The following YPEL2 variants were observed in gnomAD, a reference collection of about 807,000 sequenced individuals.
YPEL2 encodes the protein yippee like 2.
A neutral mutation model predicts 19.1 loss-of-function variants in YPEL2; 2 were observed. The ratio of observed to expected loss-of-function variants is 0.10; its 90% CI spans 0.04 to 0.33. The LOEUF (loss-of-function observed/expected upper bound fraction) is 0.33, where lower values mean the gene tolerates loss of function less well. Among genes scored for constraint, YPEL2 ranks in the 10% least tolerant of loss-of-function variants. YPEL2 has a pLI of 1.00. For synonymous variants in YPEL2, 52 were observed against 50.0 expected, an observed-to-expected ratio of 1.04 and a Z score of -0.17; for missense variants, 66 against 140.7, an observed-to-expected ratio of 0.47 and a Z score of 2.68.
intron 2 of YPEL2, among the ~76,000 whole-genome samples, chr17:59,365,262 A>G (rs761577500): frequency 2.6e-5 from 4 of 152,140 alleles, no homozygotes; most frequent in Non-Finnish European, 5.9e-5. Flanking sequence ...TCCTCATGGA[A>G]TCGCTTGTTC....
chr17:59,339,016 C>T (rs909464506), intron 1 of YPEL2, among the ~76,000 whole-genome samples: 10 of 152,212 alleles, frequency 6.6e-5, no homozygotes, highest in African/African-American at 2.2e-4. Flanking sequence ...TACCAAGCAG[C>T]CTTGGCTTTT....
chr17:59,345,679 C>T (rs946860964), intron 1 of YPEL2, among the ~76,000 whole-genome samples: 1 of 152,146 alleles, frequency 6.6e-6, no homozygotes, highest in Admixed American at 6.5e-5. Context: ...TCCTAACCAC[C>T]GTGAGTCAAC....
At chr17:59,376,611 C>T (rs1217475768) in intron 2 of YPEL2, among the ~76,000 whole-genome samples, 6 of 152,120 alleles carry the variant, frequency 3.9e-5, no homozygotes, top group African/African-American at 7.2e-5. Context: ...ACCTGGTTTT[C>T]GTTGTTTTTT....
At chr17:59,380,346 G>A (rs1180272752) in intron 2 of YPEL2, among the ~76,000 whole-genome samples, 3 of 131,496 alleles carry the variant, frequency 2.3e-5, no homozygotes, top group South Asian at 4.7e-4. Flanking sequence ...GTGCTGTCTC[G>A]ACAACCTGTG....
chr17:59,382,257 C>T (rs1237470857), intron 2 of YPEL2, among the ~76,000 whole-genome samples: 2 of 152,228 alleles, frequency 1.3e-5, no homozygotes, highest in African/African-American at 4.8e-5. Context: ...GGTTCAGTAC[C>T]CTTTGTACAT....
intron 2 of YPEL2, among the ~76,000 whole-genome samples, chr17:59,380,915 C>CGT (rs1320584971): frequency 6.6e-6 from 1 of 152,100 alleles, no homozygotes; most frequent in Non-Finnish European, 1.5e-5. Flanking sequence ...TGCCTTTTGG[C>CGT]GTAATAGAGA....
intron 2 of YPEL2, among the ~76,000 whole-genome samples, chr17:59,375,860 C>T (rs1465265326): frequency 6.6e-6 from 1 of 152,144 alleles, no homozygotes; most frequent in African/African-American, 2.4e-5. Flanking sequence ...AGCCATCCTC[C>T]TTCATCAGAG....
intron 4 of YPEL2, among the ~76,000 whole-genome samples, chr17:59,391,815 G>A (rs556896053): frequency 5.9e-5 from 9 of 151,994 alleles, no homozygotes; most frequent in Non-Finnish European, 1.2e-4. Flanking sequence ...CAGGAGAATC[G>A]CTTGAACCCA....
In YPEL2 at chr17:59,398,875, T is replaced by G. The variant is rs750795867; in HGVS notation, c.*1685T>G. ...AAGCAGCCAACAGCCCAGGAGCTTT[T>G]CAGAATAGCGTCTGCAGCAGAACCA... On this transcript the variant is annotated 3_prime_UTR_variant, in exon 5 of 5. Transcript: ENST00000312655. 5 of 152,186 alleles carry G rather than the reference T, an allele frequency of 3.3e-5. No individual in the cohort carries two copies. Among genetic ancestry groups the G allele is most frequent in the Non-Finnish European group, 7.3e-5 (5 of 68,038 alleles). 9.4% of individuals were successfully genotyped at this position (152,186 alleles called of 1,614,324 possible). A position where few individuals can be genotyped will look rare whatever the true frequency, so the allele number is the denominator to read the frequency against.
intron 2 of YPEL2, chr17:59,363,048 A>C (rs2047849295): frequency 6.6e-6 from 1 of 152,244 alleles, no homozygotes; most frequent in Admixed American, 6.5e-5. Flanking sequence ...AATGTTACAG[A>C]TAAGGTTGTT....
chr17:59,396,608 G>A (rs966793991), intron 4 of YPEL2, among the ~76,000 whole-genome samples: 1 of 152,220 alleles, frequency 6.6e-6, no homozygotes, highest in Non-Finnish European at 1.5e-5. Flanking sequence ...CCTCAGTTCT[G>A]CAGCTAAGCG....
Position 59,353,561 on chromosome 17 carries a change from C to A in YPEL2, c.117+35C>A. Reference sequence around the variant, plus strand: ...TCCAGCAGGCCTTCCTTGCCTACCCCGGGGAGGGCGCTTAGTGCTCCTGAA... The same window carrying A: ...TCCAGCAGGCCTTCCTTGCCTACCCAGGGGAGGGCGCTTAGTGCTCCTGAA... On this transcript the variant is annotated intron_variant, in intron 2 of 4. Coordinates refer to ENST00000312655, the MANE Select transcript of YPEL2 (RefSeq NM_001005404.4). This position sits in a 1 kb window ranked among gnomAD's most constrained non-coding sequence, Gnocchi z 4.8. 6.6e-7 allele frequency: 1 copy of A among 1,513,600 alleles called. No homozygotes were observed. Among genetic ancestry groups the A allele is most frequent in the Non-Finnish European group, 9.2e-7 (1 of 1,088,918 alleles). The allele number at this position is 1,513,600 out of a possible 1,614,324, so 93.8% of individuals were successfully genotyped here.
chr17:59,397,408 TTC>T lies in YPEL2; in HGVS notation c.*226_*227del. On this transcript the variant is annotated 3_prime_UTR_variant, in exon 5 of 5. Coordinates refer to ENST00000312655, the MANE Select transcript of YPEL2 (RefSeq NM_001005404.4). ...TATCTGTTTGTGAGTTGATCCTGGC[TTC>T]TCTCTCTGTTCTAGTTTTGGCTGAA... 1 of 386,686 alleles carries T rather than the reference TTC, an allele frequency of 2.6e-6. No individual in the cohort carries two copies. The highest frequency in any genetic ancestry group is 4.6e-6 in the Non-Finnish European group (1 of 215,588). The allele number at this position is 386,686 out of a possible 1,614,324, so 24.0% of individuals were successfully genotyped here. A position where few individuals can be genotyped will look rare whatever the true frequency, so the allele number is the denominator to read the frequency against.
intron 2 of YPEL2, among the ~76,000 whole-genome samples, chr17:59,368,289 G>T (rs945929433): frequency 1.3e-5 from 2 of 152,074 alleles, no homozygotes; most frequent in Admixed American, 1.3e-4. Flanking sequence ...TCTCCATATT[G>T]CCCAGGGTGG....
At chr17:59,349,270 C>G (rs1274204273) in intron 1 of YPEL2, among the ~76,000 whole-genome samples, 1 of 150,996 alleles carries the variant, frequency 6.6e-6, no homozygotes, top group Non-Finnish European at 1.5e-5. Context: ...GAAGACAGTG[C>G]AGATGTTGAT....
chr17:59,349,173 CAAAAAAAAAA>C (rs57129006), intron 1 of YPEL2, among the ~76,000 whole-genome samples: 1 of 57,512 alleles, frequency 1.7e-5, no homozygotes. Context: ...GACTCCGTCT[CAAAAAAAAAA>C]AAAAAAAAAA....
At chr17:59,342,309 G>C (rs894157424) in intron 1 of YPEL2, among the ~76,000 whole-genome samples, 2 of 152,170 alleles carry the variant, frequency 1.3e-5, no homozygotes, top group Non-Finnish European at 1.5e-5. Flanking sequence ...GCAGATATTT[G>C]AATGTGGGAA....
chr17:59,358,002 T>G (rs891005827), intron 2 of YPEL2, among the ~76,000 whole-genome samples: 1 of 152,162 alleles, frequency 6.6e-6, no homozygotes, highest in Non-Finnish European at 1.5e-5. Flanking sequence ...GTCAGATCTA[T>G]AGGTCAGATT....
intron 2 of YPEL2, among the ~76,000 whole-genome samples, chr17:59,359,862 G>A (rs1277326313): frequency 6.6e-6 from 1 of 152,146 alleles, no homozygotes; most frequent in African/African-American, 2.4e-5. Flanking sequence ...AGCTCTAGTG[G>A]GTGCCTCTGC....
Sources: gnomAD v4.1 joint callset for allele counts (sites outside exome capture counted in the v4.1 genomes callset) on GRCh38, gnomAD v4.1.1 for gene constraint, Gnocchi (gnomAD v3.1) non-coding constraint, MANE v1.5 for transcripts, NCBI Gene and HGNC (gene_info 2026-07-23, HGNC 2026-07-21) for gene names.